AGBL1: variants seen among roughly 807,000 people sequenced by gnomAD.
AGBL1 encodes the protein cytosolic carboxypeptidase 4.
A neutral mutation model predicts 118.9 loss-of-function variants in AGBL1; 130 were observed. The ratio of observed to expected loss-of-function variants is 1.09; its 90% CI spans 0.95 to 1.26. AGBL1 has a LOEUF of 1.26. AGBL1 is among the 50% of genes most tolerant of loss of function. The pLI is 0.00. For synonymous variants in AGBL1, 555 were observed against 478.9 expected (o/e 1.16, Z -2.08); for missense variants, 1,584 against 1,298.1 (o/e 1.22, Z -3.38).
chr15:86,810,848 C>A (rs1596503573), intron 22 of AGBL1, among the ~76,000 whole-genome samples: 1 of 152,098 alleles, frequency 6.6e-6, no homozygotes, highest in South Asian at 2.1e-4. Context: ...CTGGTGAGAA[C>A]AAAATGGAGC....
chr15:86,123,381 AG>A (rs1898208319), intron 1 of AGBL1, among the ~76,000 whole-genome samples: 1 of 152,172 alleles, frequency 6.6e-6, no homozygotes, highest in Non-Finnish European at 1.5e-5. Flanking sequence ...CTGGGATTAC[AG>A]GTGCTTGCCA....
At chr15:86,766,827 A>G (rs1255716103) in intron 22 of AGBL1, among the ~76,000 whole-genome samples, 1 of 148,074 alleles carries the variant, frequency 6.8e-6, no homozygotes, top group African/African-American at 2.5e-5. Context: ...TTTTTTTGAA[A>G]GAATCCCATC....
intron 3 of AGBL1, among the ~76,000 whole-genome samples, chr15:86,147,584 G>C (rs573730803): frequency 6.6e-6 from 1 of 152,338 alleles, no homozygotes; most frequent in African/African-American, 2.4e-5. Flanking sequence ...GCTGAGGCCT[G>C]ACTAGGTAAA....
chr15:86,988,072 C>G (rs1295325951), exon 24 of AGBL1: 1 of 1,613,664 alleles, frequency 6.2e-7, no homozygotes, highest in Non-Finnish European at 8.5e-7. Context: ...GATGAACCTT[C>G]TTCTGCATGT....
At chr15:86,427,024 C>T (rs1434676909) in intron 18 of AGBL1, among the ~76,000 whole-genome samples, 5 of 152,060 alleles carry the variant, frequency 3.3e-5, no homozygotes, top group Admixed American at 1.3e-4. Flanking sequence ...CCTCGGCCTC[C>T]GAAAGTGCTG....
intron 21 of AGBL1, among the ~76,000 whole-genome samples, chr15:86,567,309 C>A (rs1349851166): frequency 6.6e-6 from 1 of 152,196 alleles, no homozygotes; most frequent in Non-Finnish European, 1.5e-5. Flanking sequence ...GGCTTAGCTA[C>A]ATCAAAGTAA....
intron 21 of AGBL1, among the ~76,000 whole-genome samples, chr15:86,632,462 A>T (rs764663380): frequency 5.3e-5 from 8 of 151,978 alleles, no homozygotes; most frequent in Admixed American, 1.3e-4. Flanking sequence ...AAAAATGTTA[A>T]TCATGTCCAT....
chr15:86,773,998 C>G (rs997476847), intron 22 of AGBL1, among the ~76,000 whole-genome samples: 1 of 152,024 alleles, frequency 6.6e-6, no homozygotes, highest in African/African-American at 2.4e-5. Context: ...TGTCGGCAAG[C>G]CCCAATGACC....
intron 18 of AGBL1, among the ~76,000 whole-genome samples, chr15:86,478,308 G>T (rs2082593132): frequency 6.6e-6 from 1 of 152,154 alleles, no homozygotes; most frequent in South Asian, 2.1e-4. Context: ...GTTTGCAGAT[G>T]ACATGATTGT....
At chr15:86,892,911 C>A (rs2080071128) in intron 22 of AGBL1, among the ~76,000 whole-genome samples, 1 of 152,268 alleles carries the variant, frequency 6.6e-6, no homozygotes, top group Middle Eastern at 3.4e-3. Flanking sequence ...GGTGAGCATA[C>A]TCAGTGTGTC....
chr15:86,438,708 C>G lies in AGBL1; in HGVS notation c.2555+41162C>G, dbSNP rs185254375. On this transcript the variant is annotated intron_variant, in intron 18 of 22. Coordinates refer to ENST00000614907, the MANE Select transcript of AGBL1 (RefSeq NM_001386094.1). The stretch of plus-strand genomic sequence containing the variant: ...GTGGAGTCTCGCTCTGTCACCCAGG[C>G]TGGAGTACGGTGGTGCCATCTCAGC... Among the ~76,000 whole-genome samples the G allele has an allele frequency of 8.0e-3, 1,159 of 145,498 alleles. 10 individuals are homozygous for G. Among genetic ancestry groups the G allele is most frequent in the African/African-American group, 0.028 (1,097 of 38,986 alleles).
At chr15:86,781,406 A>G (rs2078334488) in intron 22 of AGBL1, among the ~76,000 whole-genome samples, 1 of 152,086 alleles carries the variant, frequency 6.6e-6, no homozygotes, top group Admixed American at 6.5e-5. Context: ...TCAATGTAAC[A>G]CCTCCTTTGT....
At chr15:86,391,431 T>C (rs1294698897) in intron 17 of AGBL1, among the ~76,000 whole-genome samples, 1 of 151,966 alleles carries the variant, frequency 6.6e-6, no homozygotes, top group African/African-American at 2.4e-5. Flanking sequence ...CACTCCTGTT[T>C]CCTGTCTCCT....
intron 22 of AGBL1, among the ~76,000 whole-genome samples, chr15:86,694,487 GC>G (rs1469447389): frequency 6.6e-6 from 1 of 151,990 alleles, no homozygotes; most frequent in Non-Finnish European, 1.5e-5. Context: ...AGTTCTAGGA[GC>G]TTTTTGATGG....
chr15:86,973,844 G>C (rs1308770419), intron 23 of AGBL1, among the ~76,000 whole-genome samples: 1 of 147,118 alleles, frequency 6.8e-6, no homozygotes, highest in Non-Finnish European at 1.5e-5. Flanking sequence ...CGTACCCCCA[G>C]TGTTCTTAAT....
chr15:86,769,479 T>G (rs894173284), intron 22 of AGBL1, among the ~76,000 whole-genome samples: 5 of 151,982 alleles, frequency 3.3e-5, no homozygotes, highest in Admixed American at 6.6e-5. Flanking sequence ...TCACACAGTT[T>G]CCATGTCATT....
rs552185175 is a variant in AGBL1 at position 86,332,170 on chromosome 15, G to C, written c.2374+36762G>C. Among the ~76,000 whole-genome samples, 4 of 152,244 alleles carry C rather than the reference G, an allele frequency of 2.6e-5. No individual in the cohort carries two copies. The East Asian group carries it at 7.7e-4, about 29-fold the overall frequency. ...CAACAGTAAAGAAGGACAAAAAAGGGCATTATGTGATGATAAAGGGTTCAA... is the reference window on the plus strand; with the variant it reads ...CAACAGTAAAGAAGGACAAAAAAGGCCATTATGTGATGATAAAGGGTTCAA... On this transcript the variant is annotated intron_variant, in intron 17 of 22. Transcript: ENST00000614907.
chr15:86,428,365 G>C (rs2081892477), intron 18 of AGBL1, among the ~76,000 whole-genome samples: 1 of 152,084 alleles, frequency 6.6e-6, no homozygotes, highest in Non-Finnish European at 1.5e-5. Context: ...CCAAAGTAGG[G>C]GAAATATATT....
intron 21 of AGBL1, among the ~76,000 whole-genome samples, chr15:86,566,961 C>T (rs1010118245): frequency 4.6e-5 from 7 of 152,170 alleles, no homozygotes; most frequent in South Asian, 2.1e-4. Context: ...TGGTGCTCCT[C>T]ATAGTTCCTA....
Sources: allele counts gnomAD v4.1 joint callset (sites outside exome capture counted in the v4.1 genomes callset), GRCh38; gene constraint gnomAD v4.1.1; transcripts MANE v1.5; gene names NCBI Gene and HGNC (gene_info 2026-07-23, HGNC 2026-07-21).